C12orf42: variants seen among roughly 807,000 people sequenced by gnomAD.
C12orf42 encodes uncharacterized protein C12orf42.
A neutral mutation model predicts 21.6 loss-of-function variants in C12orf42; 25 were observed. The ratio of observed to expected loss-of-function variants is 1.16; its 90% CI spans 0.84 to 1.62. The LOEUF (loss-of-function observed/expected upper bound fraction) is 1.62. C12orf42 is among the 40% of genes most tolerant of loss of function. The probability of loss-of-function intolerance (pLI) is 0.00; values close to 1 mark genes in which losing one functional copy is unlikely to be tolerated. For missense variants in C12orf42, 483 were observed against 459.3 expected, an observed-to-expected ratio of 1.05 and a Z score of -0.47; for synonymous variants, 174 against 175.0, an observed-to-expected ratio of 0.99 and a Z score of 0.05.
chr12:103,383,978 G>T (rs2046388851), intron 3 of C12orf42, among the ~76,000 whole-genome samples: 1 of 152,092 alleles, frequency 6.6e-6, no homozygotes, highest in Non-Finnish European at 1.5e-5. Flanking sequence ...AGAGCCACAG[G>T]GCAGAAAGAA....
chr12:103,405,626 G>C (rs577441716), intron 2 of C12orf42, among the ~76,000 whole-genome samples: 12 of 152,168 alleles, frequency 7.9e-5, no homozygotes, highest in Non-Finnish European at 1.3e-4. Flanking sequence ...GTTCCCAGGG[G>C]GATCTACAAA....
At chr12:103,163,060 G>C in the C12orf42 span, 2 of 152,176 alleles carry the variant, frequency 1.3e-5, no homozygotes, top group Non-Finnish European at 2.9e-5. Flanking sequence ...TTGCCTGGTA[G>C]CACCATTTAA....
At chr12:103,099,296 AC>A in the C12orf42 span, among the ~76,000 whole-genome samples, 1 of 152,218 alleles carries the variant, frequency 6.6e-6, no homozygotes, top group East Asian at 1.9e-4. Flanking sequence ...ACCTAACTGA[AC>A]AATTATTGAG....
At chr12:103,522,592 T>C in the C12orf42 span, among the ~76,000 whole-genome samples, 11 of 152,108 alleles carry the variant, frequency 7.2e-5, no homozygotes, top group African/African-American at 1.7e-4. Context: ...TCCTCGACCA[T>C]TGGGATATGG....
the C12orf42 span, among the ~76,000 whole-genome samples, chr12:103,169,760 C>A: frequency 7.0e-6 from 1 of 142,604 alleles, no homozygotes; most frequent in Non-Finnish European, 1.5e-5. Context: ...ATTTGATATG[C>A]TAAAAATAAA....
At chr12:103,206,521 T>TTATTACACAC in the C12orf42 span, among the ~76,000 whole-genome samples, 277 of 148,722 alleles carry the variant, frequency 1.9e-3, 1 homozygote, top group African/African-American at 6.5e-3. Flanking sequence ...TTTTCTATAT[T>TTATTACACAC]ACACACACAC....
At chr12:103,077,347 T>C in the C12orf42 span, among the ~76,000 whole-genome samples, 1 of 152,154 alleles carries the variant, frequency 6.6e-6, no homozygotes, top group East Asian at 1.9e-4. Context: ...AGACCTACAC[T>C]TTGGAGGGAG....
intron 4 of C12orf42, among the ~76,000 whole-genome samples, chr12:103,368,641 G>T (rs2044859988): frequency 6.6e-6 from 1 of 152,072 alleles, no homozygotes; most frequent in African/African-American, 2.4e-5. Context: ...ACTTAGTGAA[G>T]ACAACGGGGA....
At chr12:103,287,730 G>T (rs1457597343) in intron 4 of C12orf42, among the ~76,000 whole-genome samples, 3 of 149,934 alleles carry the variant, frequency 2.0e-5, no homozygotes, top group Non-Finnish European at 4.4e-5. Flanking sequence ...ACAAAAAAAA[G>T]TGTTCATAAC....
intron 5 of C12orf42, among the ~76,000 whole-genome samples, chr12:103,272,618 T>C (rs1459264096): frequency 1.3e-5 from 2 of 152,150 alleles, no homozygotes; most frequent in African/African-American, 2.4e-5. Flanking sequence ...ACAGAGATGA[T>C]AGTGGGTTTC....
Position 103,427,233 on chromosome 12 carries a change from C to T in C12orf42, c.79-25558G>A, listed in dbSNP as rs182859168. Among the ~76,000 whole-genome samples the T allele has an allele frequency of 2.6e-3, 369 of 143,922 alleles. 2 individuals are homozygous for T. The highest frequency in any genetic ancestry group is 8.1e-3 in the African/African-American group (311 of 38,612). 94.4% of individuals were successfully genotyped at this position (143,922 alleles called of 152,430 possible). A position where few individuals can be genotyped will look rare whatever the true frequency, so the allele number is the denominator to read the frequency against. Reference sequence around the variant, plus strand: ...AACCCATCTCACATGCAAAGACACACATAGGCTCAAAATAAAGGGATGGAG... The same window carrying T: ...AACCCATCTCACATGCAAAGACACATATAGGCTCAAAATAAAGGGATGGAG... On this transcript the variant is annotated intron_variant, in intron 2 of 5. Coordinates refer to ENST00000548883, the MANE Select transcript of C12orf42 (RefSeq NM_198521.5).
At chr12:103,547,203 C>T in the C12orf42 span, among the ~76,000 whole-genome samples, 35 of 152,326 alleles carry the variant, frequency 2.3e-4, no homozygotes, top group African/African-American at 7.9e-4. Context: ...ATGAGGTAGT[C>T]ACTGGCTACA....
intron 3 of C12orf42, among the ~76,000 whole-genome samples, chr12:103,373,343 A>C (rs1043674748): frequency 1.2e-4 from 19 of 152,320 alleles, no homozygotes; most frequent in African/African-American, 3.6e-4. Flanking sequence ...AATATTTAAA[A>C]GAAATAAATT....
chr12:103,290,562 G>T (rs1437012112), intron 4 of C12orf42, among the ~76,000 whole-genome samples: 1 of 152,138 alleles, frequency 6.6e-6, no homozygotes, highest in Non-Finnish European at 1.5e-5. Flanking sequence ...AGGAGGTGTG[G>T]GAAGGAAGGA....
chr12:103,358,008 A>G (rs192363460), intron 4 of C12orf42, among the ~76,000 whole-genome samples: 15 of 152,120 alleles, frequency 9.9e-5, no homozygotes, highest in African/African-American at 3.4e-4. Flanking sequence ...TTGTATGTCT[A>G]AAAATTGGTA....
At chr12:103,393,426 A>G (rs2047241100) in intron 3 of C12orf42, among the ~76,000 whole-genome samples, 1 of 152,116 alleles carries the variant, frequency 6.6e-6, no homozygotes, top group African/African-American at 2.4e-5. Context: ...CACGTCCATA[A>G]CCCAAACACC....
In C12orf42 at chr12:103,401,307, C is replaced by T. The variant is rs114891173; in HGVS notation, c.147+300G>A. Among the ~76,000 whole-genome samples, 850 of 152,236 alleles carry T rather than the reference C, an allele frequency of 5.6e-3. 9 individuals carry two copies. Among genetic ancestry groups the T allele is most frequent in the African/African-American group, 0.02 (818 of 41,540 alleles). ...TTTCTGTATGTTGGCCACATACAGG[C>T]ACTGCAAAGACCCCTAATGCACTGT... On this transcript the variant is annotated intron_variant, in intron 3 of 5. Coordinates refer to ENST00000548883, the MANE Select transcript of C12orf42 (RefSeq NM_198521.5).
chr12:103,228,165 T>A, the C12orf42 span, among the ~76,000 whole-genome samples: 7 of 152,212 alleles, frequency 4.6e-5, no homozygotes, highest in South Asian at 1.2e-3. Context: ...CATGGCTGTT[T>A]ATTTCACCTG....
chr12:103,434,725 T>C (rs867507619), intron 2 of C12orf42, among the ~76,000 whole-genome samples: 9 of 152,334 alleles, frequency 5.9e-5, no homozygotes, highest in Middle Eastern at 3.4e-3. Context: ...CGAGATTATA[T>C]GCCGCACCTG....
Sources: allele counts gnomAD v4.1 joint callset (sites outside exome capture counted in the v4.1 genomes callset), GRCh38; gene constraint gnomAD v4.1.1; transcripts MANE v1.5; gene names NCBI Gene and HGNC (gene_info 2026-07-23, HGNC 2026-07-21).